The following ANKS1B variants were observed in gnomAD, a reference collection of about 807,000 sequenced individuals.
The protein encoded by ANKS1B is ankyrin repeat and sterile alpha motif domain-containing protein 1B.
ANKS1B carries 36 observed loss-of-function variants against 148.3 expected under a neutral mutation model. The ratio of observed to expected loss-of-function variants is 0.24; its 90% CI spans 0.19 to 0.32. ANKS1B has a LOEUF of 0.32. Ranked by LOEUF, ANKS1B falls within the 10% of genes least tolerant of loss-of-function variation. ANKS1B has a pLI of 1.00. For synonymous variants in ANKS1B, 542 were observed against 560.8 expected (o/e 0.97, Z 0.47); for missense variants, 1,157 against 1,542.6 (o/e 0.75, Z 4.19).
intron 1 of ANKS1B, among the ~76,000 whole-genome samples, chr12:99,937,021 G>A (rs567217099): frequency 6.6e-6 from 1 of 152,280 alleles, no homozygotes; most frequent in South Asian, 2.1e-4. Context: ...TATGGATACA[G>A]TATGGGACAT....
rs916095171 is a variant in ANKS1B, at chr12:99,335,950, T to C, written c.1756+63681A>G. 8.5e-5 allele frequency among the ~76,000 whole-genome samples: 13 copies of C among 152,150 alleles called. No homozygotes were observed. In the East Asian group the frequency reaches 1.5e-3, roughly 18 times the overall value. On this transcript the variant is annotated intron_variant, in intron 12 of 26. Coordinates refer to ENST00000683438, the MANE Select transcript of ANKS1B (RefSeq NM_001352186.2). The stretch of plus-strand genomic sequence containing the variant: ...TGAAGAACCTCCATACTGTTCTCCA[T>C]AGTGGCTCCACCAACTTACATTCCC...
chr12:99,246,191 A>T, intron 13 of ANKS1B, 84 bp downstream of exon 13: 2 of 1,028,052 alleles, frequency 1.9e-6, no homozygotes, highest in Non-Finnish European at 2.7e-6. Context: ...CTTTTGAAAG[A>T]GCTAAAAAGC....
intron 17 of ANKS1B, among the ~76,000 whole-genome samples, chr12:98,957,475 G>A (rs2099864416): frequency 6.6e-6 from 1 of 151,964 alleles, no homozygotes; most frequent in Admixed American, 6.6e-5. Flanking sequence ...AGCCTTCTGA[G>A]TAGCTGGGAC....
chr12:99,512,948 G>C (rs1232828690), intron 9 of ANKS1B, among the ~76,000 whole-genome samples: 1 of 151,902 alleles, frequency 6.6e-6, no homozygotes, highest in Non-Finnish European at 1.5e-5. Context: ...ATAGATGCTA[G>C]GCTTAATACC....
At chr12:99,244,250 G>T in intron 14 of ANKS1B, 92 bp downstream of exon 14, 1 of 842,290 alleles carries the variant, frequency 1.2e-6, no homozygotes, top group South Asian at 1.7e-5. Context: ...TTGTTATAAT[G>T]AAAAAAATGC....
At chr12:99,141,555 A>AGG (rs1234651963) in intron 15 of ANKS1B, among the ~76,000 whole-genome samples, 3 of 151,554 alleles carry the variant, frequency 2.0e-5, no homozygotes, top group Non-Finnish European at 4.4e-5. Flanking sequence ...TACCTTAACT[A>AGG]TTCTTCCTGA....
intron 14 of ANKS1B, among the ~76,000 whole-genome samples, chr12:99,220,990 T>C (rs186511575): frequency 2.5e-4 from 38 of 152,248 alleles, no homozygotes; most frequent in Non-Finnish European, 3.7e-4. Flanking sequence ...ATACAACATT[T>C]TGAAACCATT....
chr12:98,978,775 AC>A (rs1445139174), intron 17 of ANKS1B, among the ~76,000 whole-genome samples: 1 of 151,656 alleles, frequency 6.6e-6, no homozygotes, highest in African/African-American at 2.4e-5. Flanking sequence ...ATGACAAAAA[AC>A]CCCATGATAT....
At chr12:99,799,151 C>T (rs2066624234) in intron 4 of ANKS1B, among the ~76,000 whole-genome samples, 1 of 152,064 alleles carries the variant, frequency 6.6e-6, no homozygotes, top group African/African-American at 2.4e-5. Context: ...ACATAGTAGG[C>T]ACTCAATAAA....
At chr12:99,283,502 GA>G (rs2078738536) in intron 12 of ANKS1B, among the ~76,000 whole-genome samples, 1 of 152,210 alleles carries the variant, frequency 6.6e-6, no homozygotes, top group Admixed American at 6.5e-5. Context: ...TCACTAATGT[GA>G]AGCTGGGAAA....
chr12:99,371,575 CACACAT>C (rs2093136819), intron 12 of ANKS1B, among the ~76,000 whole-genome samples: 1 of 152,100 alleles, frequency 6.6e-6, no homozygotes, highest in African/African-American at 2.4e-5. Flanking sequence ...CACACACACA[CACACAT>C]ATACATACTG....
At chr12:99,268,838 T>A (rs1274040711) in intron 12 of ANKS1B, among the ~76,000 whole-genome samples, 1 of 152,174 alleles carries the variant, frequency 6.6e-6, no homozygotes, top group African/African-American at 2.4e-5. Context: ...AAAGGAGGGT[T>A]TACATTTCCA....
intron 17 of ANKS1B, among the ~76,000 whole-genome samples, chr12:98,895,476 G>A (rs1474245050): frequency 6.6e-6 from 1 of 152,194 alleles, no homozygotes; most frequent in Non-Finnish European, 1.5e-5. Context: ...GAGGGCAAGG[G>A]GCAGAAGCAG....
chr12:99,522,956 T>C (rs770652847), intron 9 of ANKS1B, among the ~76,000 whole-genome samples: 16 of 152,172 alleles, frequency 1.1e-4, no homozygotes, highest in Non-Finnish European at 1.6e-4. Context: ...CCTTCTGACT[T>C]ACGAAAGATC....
intron 9 of ANKS1B, among the ~76,000 whole-genome samples, chr12:99,654,752 T>G (rs2098441803): frequency 6.6e-6 from 1 of 152,120 alleles, no homozygotes; most frequent in African/African-American, 2.4e-5. Context: ...CTTTTACTTT[T>G]TAAAAATAGC....
chr12:99,538,142 C>T (rs573436484), intron 9 of ANKS1B, among the ~76,000 whole-genome samples: 54 of 152,142 alleles, frequency 3.5e-4, no homozygotes, highest in African/African-American at 1.2e-3. Flanking sequence ...CAGTGTCATA[C>T]TGTTTTGGTT....
At chr12:98,754,439 A>T (rs1223290217) in intron 25 of ANKS1B, among the ~76,000 whole-genome samples, 1 of 152,172 alleles carries the variant, frequency 6.6e-6, no homozygotes, top group African/African-American at 2.4e-5. Context: ...CTGTAGTCTC[A>T]CAATGAAGAC....
intron 17 of ANKS1B, among the ~76,000 whole-genome samples, chr12:98,999,390 C>T (rs1007922308): frequency 8.6e-5 from 13 of 152,040 alleles, no homozygotes; most frequent in African/African-American, 2.2e-4. Context: ...GTGGTTACAG[C>T]GTGCCCTGGT....
At chr12:99,631,512 C>T (rs761671891) in intron 9 of ANKS1B, among the ~76,000 whole-genome samples, 24 of 152,204 alleles carry the variant, frequency 1.6e-4, no homozygotes, top group Middle Eastern at 6.8e-3. Flanking sequence ...TAGTCATGAC[C>T]AGAGTGCTGA....
Sources: gnomAD v4.1 joint callset for allele counts (sites outside exome capture counted in the v4.1 genomes callset) on GRCh38, gnomAD v4.1.1 for gene constraint, MANE v1.5 for transcripts, NCBI Gene and HGNC (gene_info 2026-07-23, HGNC 2026-07-21) for gene names.